ZNF546: variants seen among roughly 807,000 people sequenced by gnomAD.
ZNF546 encodes CTC-471F3.6.
ZNF546 carries 60 observed loss-of-function variants against 76.2 expected under a neutral mutation model. That is an observed-to-expected ratio of 0.79 (90% CI 0.64 to 0.98). The LOEUF is 0.98. ZNF546 is among the 50% of genes least tolerant of loss of function. The probability of loss-of-function intolerance (pLI) is 0.00; values close to 1 mark genes in which losing one functional copy is unlikely to be tolerated. For missense variants in ZNF546, 936 were observed against 1,035.6 expected (o/e 0.90, Z 1.32); for synonymous variants, 277 against 328.1 (o/e 0.84, Z 1.68).
intron 3 of ZNF546, chr19:39,999,602 G>A (rs1320349238): frequency 6.7e-6 from 1 of 149,352 alleles, no homozygotes; most frequent in African/African-American, 2.5e-5. Context: ...TTTTGACAGA[G>A]TCTCGTTCTG....
At chr19:40,007,237 T>C in intron 4 of ZNF546, 37 bp from the exon 5 acceptor site, 1 of 1,458,946 alleles carries the variant, frequency 6.9e-7, no homozygotes, top group South Asian at 1.5e-5. Flanking sequence ...TGAAAATACA[T>C]TTAATTTTTT....
chr19:39,999,359 A>G (rs1185724015), intron 3 of ZNF546, among the ~76,000 whole-genome samples: 7 of 152,324 alleles, frequency 4.6e-5, no homozygotes, highest in Non-Finnish European at 7.4e-5. Flanking sequence ...CTGTTTTCCT[A>G]TTGTTTGCAT....
At chr19:40,002,698 CT>C (rs34367306) in intron 3 of ZNF546, among the ~76,000 whole-genome samples, 155 of 140,148 alleles carry the variant, frequency 1.1e-3, no homozygotes, top group Admixed American at 1.3e-3. Flanking sequence ...GGGAAACTAA[CT>C]TTTTTTTTTT....
At position 40,015,555 on chromosome 19, in the gene ZNF546, C is replaced by G; in HGVS notation, c.2285C>G (p.Ala762Gly). ...TGTGGGAATGCCTTTCGTCTTCAAG[C>G]AGAACTTACTCGACATCACATAGTT... ...KECGNAFRLQ[A>G]ELTRHHIVHT... Residue 762 changes from alanine to glycine, a missense_variant, in exon 7 of 7, where the codon GCA becomes GGA. Physicochemically the swap from Ala to Gly is moderately conservative, Grantham distance 60. Transcript: ENST00000347077. 6.2e-7 allele frequency: 1 copy of G among 1,614,012 alleles called. No individual in the cohort carries two copies. Among genetic ancestry groups the G allele is most frequent in the Non-Finnish European group, 8.5e-7 (1 of 1,179,994 alleles).
rs1555723997 is a variant in ZNF546, at chr19:40,004,075, A to ATATTTATATATAATATATAAATATATT, written c.85-2018_85-2017insTTATATATAATATATAAATATATTTAT. On this transcript the variant is annotated intron_variant, in intron 3 of 6. Coordinates refer to ENST00000347077, the MANE Select transcript of ZNF546 (RefSeq NM_178544.5). ...ATGTATTTATATATAATATATAAATATATATATAACTATATTAATATATAA... is the reference window on the plus strand; with the variant it reads ...ATGTATTTATATATAATATATAAATATATTTATATATAATATATAAATATATTTATATATAACTATATTAATATATAA... Among the ~76,000 whole-genome samples the ATATTTATATATAATATATAAATATATT allele has an allele frequency of 3.5e-5, 5 of 143,210 alleles. No individual in the cohort carries two copies. In the East Asian group the frequency reaches 9.9e-4, roughly 28 times the overall value. 94.0% of individuals were successfully genotyped at this position (143,210 alleles called of 152,430 possible). A position where few individuals can be genotyped will look rare whatever the true frequency, so the allele number is the denominator to read the frequency against.
rs530816705 is a variant in ZNF546 at position 40,005,993 on chromosome 19, G to C, written c.85-103G>C. 23 of 975,868 alleles carry C rather than the reference G, an allele frequency of 2.4e-5. 1 individual carries two copies. The East Asian group carries it at 5.3e-4, about 23-fold the overall frequency. The allele number at this position is 975,868 out of a possible 1,614,324, so 60.5% of individuals were successfully genotyped here. A position where few individuals can be genotyped will look rare whatever the true frequency, so the allele number is the denominator to read the frequency against. ...CCAGTTTATATGCGCAGAATGGTGG[G>C]GTTGGAAGTAGAAATGATGGCATAA... is the stretch of plus-strand genomic sequence containing the variant. On this transcript the variant is annotated intron_variant, in intron 3 of 6. Coordinates refer to ENST00000347077, the MANE Select transcript of ZNF546 (RefSeq NM_178544.5).
rs746537743 is a variant in ZNF546, at chr19:40,015,218, A to C, written c.1948A>C (p.Thr650Pro). ...ATGTGGGAAGGCCTTTATTCGTAGC[A>C]CTCATCTCACGCAACATCACAGAAT... is the stretch of plus-strand genomic sequence containing the variant. ...TECGKAFIRS[T>P]HLTQHHRIHT... is the part of the protein sequence containing the mutation. The change falls in exon 7 of 7, where the codon ACT becomes CCT. Residue 650 changes from threonine to proline, a missense_variant. Coordinates refer to ENST00000347077, the MANE Select transcript of ZNF546 (RefSeq NM_178544.5). The C allele has an allele frequency of 6.2e-6, 10 of 1,612,326 alleles. No homozygotes were observed. The highest frequency in any genetic ancestry group is 8.5e-6 in the Non-Finnish European group (10 of 1,179,526).
rs558616955 is a variant in ZNF546 at position 40,014,351 on chromosome 19, G to T, written c.1081G>T (p.Val361Phe). The T allele has an allele frequency of 6.2e-6, 10 of 1,614,008 alleles. No homozygotes were observed. In the African/African-American group the frequency reaches 1.2e-4, roughly 19 times the overall value. The change falls in exon 7 of 7, where the codon GTT (valine) becomes TTT (phenylalanine). Residue 361 changes from valine (V) to phenylalanine (F), a missense_variant. By Grantham distance (50) the Val-to-Phe change is conservative. Transcript: ENST00000347077. ...HTGERPYECK[V>F]CGKTFRVQRH... ...TGGTGAGAGGCCTTATGAATGTAAGGTTTGTGGCAAGACCTTTAGGGTACA... is the reference window on the plus strand; with the variant it reads ...TGGTGAGAGGCCTTATGAATGTAAGTTTTGTGGCAAGACCTTTAGGGTACA...
intron 3 of ZNF546, among the ~76,000 whole-genome samples, chr19:40,004,090 TTAA>T (rs1028241235): frequency 1.5e-4 from 22 of 143,312 alleles, no homozygotes; most frequent in Non-Finnish European, 2.5e-4. Context: ...TATAACTATA[TTAA>T]TATATAAATA....
Position 40,015,406 on chromosome 19 carries a change from A to G in ZNF546, c.2136A>G (p.Gln712=). ...GCAGTTATCGACTTACATTACATCA[A>G]AGAATTCACACTGGTGAGCTTCCAT... ...FICSYRLTLH[Q]RIHTGELPYE... The change falls in exon 7 of 7, where the codon CAA becomes CAG. Residue 712 remains glutamine (Q), a synonymous_variant. Transcript: ENST00000347077. 1 of 1,614,108 alleles carries G rather than the reference A, an allele frequency of 6.2e-7. No homozygotes were observed. Among genetic ancestry groups the G allele is most frequent in the Non-Finnish European group, 8.5e-7 (1 of 1,180,012 alleles).
Position 40,013,754 on chromosome 19 carries a change from AG to A in ZNF546, c.485del (p.Ser162IlefsTer36), listed in dbSNP as rs1255531497. ...ATCTCAATTGCAGACAGGGGAAAAAAGTAAAAACACCATCCATGAGGACACC... is the reference window on the plus strand; with the variant it reads ...ATCTCAATTGCAGACAGGGGAAAAAATAAAAACACCATCCATGAGGACACC... ...YLSQLQTGEK[S>X]KNTIHEDTIF... On this transcript the variant is annotated frameshift_variant, in exon 7 of 7. Coordinates refer to ENST00000347077, the MANE Select transcript of ZNF546 (RefSeq NM_178544.5). LOFTEE classifies it high-confidence loss of function. The A allele has an allele frequency of 6.2e-7, 1 of 1,613,088 alleles. No individual in the cohort carries two copies. The highest frequency in any genetic ancestry group is 1.7e-5 in the Admixed American group (1 of 59,870).
chr19:40,014,591 T>C lies in ZNF546; in HGVS notation c.1321T>C (p.Tyr441His). 6.2e-7 allele frequency: 1 copy of C among 1,613,620 alleles called. No individual in the cohort carries two copies. The highest frequency in any genetic ancestry group is 8.5e-7 in the Non-Finnish European group (1 of 1,179,728). Residue 441 changes from tyrosine (Y) to histidine (H), a missense_variant, in exon 7 of 7, where the codon TAT becomes CAT. Tyr to His is a moderately conservative substitution (Grantham distance 83). Coordinates refer to ENST00000347077, the MANE Select transcript of ZNF546 (RefSeq NM_178544.5). The stretch of plus-strand genomic sequence containing the variant: ...TAGAATTCATACTGGTGAGAAACCC[T>C]ATGAATGTAGAGAATGTGGAAAAGC... Reference protein sequence around the residue: ...HRRIHTGEKPYECRECGKAFR... With the variant: ...HRRIHTGEKPHECRECGKAFR...
intron 3 of ZNF546, among the ~76,000 whole-genome samples, chr19:40,002,447 A>T (rs1971541445): frequency 1.3e-5 from 2 of 152,226 alleles, no homozygotes; most frequent in South Asian, 4.1e-4. Context: ...AACTGAAAAC[A>T]CATAGGTGTT....
At chr19:40,006,299 A>G in intron 4 of ZNF546, 117 bp downstream of exon 4, 1 of 811,382 alleles carries the variant, frequency 1.2e-6, no homozygotes, top group Non-Finnish European at 2.0e-6. Context: ...CCTGCTCCCT[A>G]GTTACTCCCT....
Position 40,014,684 on chromosome 19 carries a change from A to C in ZNF546, c.1414A>C (p.Lys472Gln), listed in dbSNP as rs1245703450. Reference sequence around the variant, plus strand: ...TACTGGTGAGAAACCCTATGAATGTAAGGAATGTGGGAAGGCCTTTATTTG... The same window carrying C: ...TACTGGTGAGAAACCCTATGAATGTCAGGAATGTGGGAAGGCCTTTATTTG... ...THTGEKPYECKECGKAFICGY... is the reference protein window; with the variant it reads ...THTGEKPYECQECGKAFICGY... The change falls in exon 7 of 7, where the codon AAG (lysine) becomes CAG (glutamine). Residue 472 changes from lysine (K) to glutamine (Q), a missense_variant. Physicochemically the swap from Lys to Gln is moderately conservative, Grantham distance 53. Transcript: ENST00000347077. 1 of 1,614,040 alleles carries C rather than the reference A, an allele frequency of 6.2e-7. No homozygotes were observed. Among genetic ancestry groups the C allele is most frequent in the Admixed American group, 1.7e-5 (1 of 60,022 alleles).
At chr19:40,004,331 A>C (rs1971574952) in intron 3 of ZNF546, among the ~76,000 whole-genome samples, 1 of 151,870 alleles carries the variant, frequency 6.6e-6, no homozygotes, top group Non-Finnish European at 1.5e-5. Context: ...ACAGTGGCAC[A>C]GTCTCGGCTC....
At position 40,015,655 on chromosome 19, in the gene ZNF546, T is replaced by C; in HGVS notation, c.2385T>C (p.His795=). 6.2e-7 allele frequency: 1 copy of C among 1,614,170 alleles called. No individual in the cohort carries two copies. The change falls in exon 7 of 7, where the codon CAT becomes CAC. Residue 795 remains histidine, a synonymous_variant. Coordinates refer to ENST00000347077, the MANE Select transcript of ZNF546 (RefSeq NM_178544.5). ...AFSVNSELTR[H]HRIHTGEKPY... ...GTGTTAATTCAGAACTTACTCGACATCACAGAATTCATACTGGTGAAAAAC... is the reference window on the plus strand; with the variant it reads ...GTGTTAATTCAGAACTTACTCGACACCACAGAATTCATACTGGTGAAAAAC...
At chr19:40,013,529 T>C (rs1971697750) in intron 6 of ZNF546, 136 bp from the exon 7 acceptor site, 1 of 807,488 alleles carries the variant, frequency 1.2e-6, no homozygotes. Context: ...TCTAAACCAT[T>C]TATTTCTAAT....
chr19:40,008,566 G>T lies in ZNF546; in HGVS notation c.394+1G>T, dbSNP rs1328707802. On this transcript the variant is annotated splice_donor_variant, in intron 6 of 6. Transcript: ENST00000347077. LOFTEE classifies it high-confidence loss of function. ...GAAGGGACAAGGAATTGGTTCACAG[G>T]TGAGTGACAGCAAATTAGGCGGGAG... The T allele has an allele frequency of 2.5e-6, 4 of 1,610,940 alleles. No homozygotes were observed. The highest frequency in any genetic ancestry group is 3.3e-5 in the Admixed American group (2 of 59,972).
Sources: allele counts gnomAD v4.1 joint callset (sites outside exome capture counted in the v4.1 genomes callset), GRCh38; gene constraint gnomAD v4.1.1; transcripts MANE v1.5; gene names NCBI Gene and HGNC (gene_info 2026-07-23, HGNC 2026-07-21).